The following CSMD1 variants were observed in gnomAD, a reference collection of about 807,000 sequenced individuals.
The protein encoded by CSMD1 is CUB and Sushi multiple domains 1.
A neutral mutation model predicts 417.5 loss-of-function variants in CSMD1; 213 were observed. That is an observed-to-expected ratio of 0.51 (90% CI 0.46 to 0.57). The LOEUF is 0.57. CSMD1 is among the 20% of genes least tolerant of loss of function. The probability of loss-of-function intolerance (pLI) is 0.00; values close to 1 mark genes in which losing one functional copy is unlikely to be tolerated. For missense variants in CSMD1, 6,923 were observed against 4,529.7 expected, an observed-to-expected ratio of 1.53 and a Z score of -15.17; for synonymous variants, 2,862 against 1,736.8, an observed-to-expected ratio of 1.65 and a Z score of -16.11.
intron 5 of CSMD1, among the ~76,000 whole-genome samples, chr8:3,891,038 G>GTT (rs765170670): frequency 0.013 from 1,918 of 147,284 alleles, 47 homozygotes; most frequent in African/African-American, 0.044. Context: ...CAGCTTTTTT[G>GTT]TTTTTTTTTT....
chr8:4,881,733 T>C (rs974743680), intron 1 of CSMD1, among the ~76,000 whole-genome samples: 4 of 151,990 alleles, frequency 2.6e-5, no homozygotes, highest in Non-Finnish European at 5.9e-5. Context: ...CATGCAGCAG[T>C]GGTCTTTTTC....
intron 48 of CSMD1, among the ~76,000 whole-genome samples, chr8:3,089,655 G>A (rs997135082): frequency 1.3e-5 from 2 of 152,120 alleles, no homozygotes; most frequent in Non-Finnish European, 1.5e-5. Context: ...TGACCTAGCA[G>A]AGATCACTGA....
rs192777008 is a variant in CSMD1 at position 4,429,845 on chromosome 8, C to T, written c.303-9780G>A. On this transcript the variant is annotated intron_variant, in intron 2 of 69. Coordinates refer to ENST00000635120, the MANE Select transcript of CSMD1 (RefSeq NM_033225.6). ...TCTCATTGGCTCGGGAAGAAATCCA[C>T]GCCCATTCAGTTAAGTTCTATGAAA... 7.9e-5 allele frequency among the ~76,000 whole-genome samples: 12 copies of T among 152,266 alleles called. No homozygotes were observed. The East Asian group carries it at 1.4e-3, about 17-fold the overall frequency.
intron 5 of CSMD1, among the ~76,000 whole-genome samples, chr8:3,802,485 A>G (rs1800512686): frequency 6.6e-6 from 1 of 152,160 alleles, no homozygotes; most frequent in South Asian, 2.1e-4. Context: ...AACTTCATTC[A>G]TGTGAAATTG....
At chr8:4,435,002 T>C (rs954127328) in intron 2 of CSMD1, among the ~76,000 whole-genome samples, 3 of 152,232 alleles carry the variant, frequency 2.0e-5, no homozygotes, top group Non-Finnish European at 4.4e-5. Flanking sequence ...CATACTTTTG[T>C]CTACTCTTGG....
intron 10 of CSMD1, among the ~76,000 whole-genome samples, chr8:3,513,790 C>T (rs1797176321): frequency 1.3e-5 from 2 of 152,154 alleles, no homozygotes; most frequent in Admixed American, 6.5e-5. Context: ...GAGAGATAGA[C>T]AGCATTTTAA....
At chr8:4,428,920 G>C (rs144224849) in intron 2 of CSMD1, among the ~76,000 whole-genome samples, 1 of 151,872 alleles carries the variant, frequency 6.6e-6, no homozygotes, top group African/African-American at 2.4e-5. Context: ...TCACCATTTG[G>C]CCAGGCTGGT....
At chr8:3,550,927 T>A (rs548200005) in intron 10 of CSMD1, among the ~76,000 whole-genome samples, 5 of 152,286 alleles carry the variant, frequency 3.3e-5, no homozygotes, top group African/African-American at 7.2e-5. Flanking sequence ...TGCAAATGTG[T>A]CTCTGCTTTT....
intron 12 of CSMD1, among the ~76,000 whole-genome samples, chr8:3,431,769 C>T (rs940136236): frequency 5.3e-5 from 8 of 152,116 alleles, no homozygotes; most frequent in Non-Finnish European, 7.4e-5. Context: ...TGTTCAATGA[C>T]TTTGAAAATT....
At chr8:3,451,001 G>T (rs1216547805) in intron 12 of CSMD1, among the ~76,000 whole-genome samples, 1 of 152,134 alleles carries the variant, frequency 6.6e-6, no homozygotes, top group Non-Finnish European at 1.5e-5. Flanking sequence ...TCTAATGACT[G>T]CCATTCTAAC....
At chr8:4,655,041 A>AG (rs1418876268) in intron 1 of CSMD1, among the ~76,000 whole-genome samples, 1 of 151,830 alleles carries the variant, frequency 6.6e-6, no homozygotes, top group African/African-American at 2.4e-5. Context: ...CCTCCAAAAA[A>AG]AAAAAAAGCT....
Position 3,778,944 on chromosome 8 carries a change from G to C in CSMD1, c.819-24902C>G, listed in dbSNP as rs151080319. On this transcript the variant is annotated intron_variant, in intron 5 of 69. Coordinates refer to ENST00000635120, the MANE Select transcript of CSMD1 (RefSeq NM_033225.6). ...AATCTCTCAAAAATGCTGTTTCTGG[G>C]AGGACAATCAGCCTTGGCTTGTGTT... Among the ~76,000 whole-genome samples the C allele has an allele frequency of 2.8e-3, 420 of 152,290 alleles. 2 individuals are homozygous for C. Among genetic ancestry groups the C allele is most frequent in the Middle Eastern group, 0.014 (4 of 292 alleles).
At chr8:3,414,916 ACT>A (rs1276076383) in intron 12 of CSMD1, among the ~76,000 whole-genome samples, 2 of 150,830 alleles carry the variant, frequency 1.3e-5, no homozygotes, top group African/African-American at 4.9e-5. Flanking sequence ...CTCTAGCACC[ACT>A]CTCTTTTCTG....
intron 4 of CSMD1, among the ~76,000 whole-genome samples, chr8:3,999,519 G>A (rs1223000955): frequency 6.6e-6 from 1 of 152,198 alleles, no homozygotes; most frequent in Non-Finnish European, 1.5e-5. Flanking sequence ...GTCGGCAACA[G>A]TAAGAGGGTG....
At chr8:3,083,006 T>C (rs1165721955) in intron 49 of CSMD1, among the ~76,000 whole-genome samples, 1 of 152,300 alleles carries the variant, frequency 6.6e-6, no homozygotes, top group Admixed American at 6.5e-5. Flanking sequence ...TTAGCTGGGG[T>C]TTTTGAAAAT....
chr8:4,459,846 AGCAT>A (rs1799702079), intron 2 of CSMD1, among the ~76,000 whole-genome samples: 1 of 152,212 alleles, frequency 6.6e-6, no homozygotes, highest in Non-Finnish European at 1.5e-5. Context: ...AGATAACTAA[AGCAT>A]GCCCCTACCA....
intron 5 of CSMD1, among the ~76,000 whole-genome samples, chr8:3,840,770 A>G (rs1005429646): frequency 6.8e-6 from 1 of 146,070 alleles, no homozygotes; most frequent in Non-Finnish European, 1.5e-5. Context: ...ATCTCAGTTC[A>G]CTGCAACGTC....
chr8:3,839,154 C>G (rs2085044908), intron 5 of CSMD1, among the ~76,000 whole-genome samples: 1 of 124,732 alleles, frequency 8.0e-6, no homozygotes, highest in South Asian at 2.4e-4. Context: ...GTCTATATAT[C>G]TATAGTCCCT....
At chr8:3,063,079 C>A (rs975945127) in intron 49 of CSMD1, among the ~76,000 whole-genome samples, 3 of 152,104 alleles carry the variant, frequency 2.0e-5, no homozygotes, top group African/African-American at 7.2e-5. Flanking sequence ...GAGTCCCAGG[C>A]TCACTAAGCA....
Sources: allele counts gnomAD v4.1 joint callset (sites outside exome capture counted in the v4.1 genomes callset), GRCh38; gene constraint gnomAD v4.1.1; transcripts MANE v1.5; gene names NCBI Gene and HGNC (gene_info 2026-07-23, HGNC 2026-07-21).